Variants in RASSF3 observed in about 807,000 individuals in gnomAD.
RASSF3 encodes the protein Ras association domain family member 3, also known as ras association domain-containing protein 3.
RASSF3 carries 19 observed loss-of-function variants against 19.9 expected under a neutral mutation model. The ratio of observed to expected loss-of-function variants is 0.96; its 90% CI spans 0.67 to 1.40. The LOEUF is 1.40. Among genes scored for constraint, RASSF3 ranks in the 40% most tolerant of loss-of-function variants. The pLI, the probability that RASSF3 is intolerant of heterozygous loss-of-function variation, is 0.00. For synonymous variants in RASSF3, 110 were observed against 104.2 expected, an observed-to-expected ratio of 1.06 and a Z score of -0.34; for missense variants, 306 against 289.8, an observed-to-expected ratio of 1.06 and a Z score of -0.41.
chr12:64,604,642 T>A (rs1049178155), intron 2 of RASSF3, among the ~76,000 whole-genome samples: 3 of 151,964 alleles, frequency 2.0e-5, no homozygotes, highest in Non-Finnish European at 2.9e-5. Context: ...CAACTCTTTT[T>A]TTTTTTTTCT....
chr12:64,674,529 C>T (rs549198848), intron 1 of RASSF3, among the ~76,000 whole-genome samples: 27 of 152,222 alleles, frequency 1.8e-4, no homozygotes, highest in African/African-American at 4.8e-4. Flanking sequence ...TGCAGTGAGC[C>T]GATGTGGCCC....
chr12:64,691,885 C>T (rs368594570), intron 4 of RASSF3, among the ~76,000 whole-genome samples: 63 of 152,190 alleles, frequency 4.1e-4, no homozygotes, highest in African/African-American at 1.4e-3. Flanking sequence ...CATTTTCACC[C>T]CTTCCCACCT....
chr12:64,586,062 C>T (rs984876047), intron 2 of RASSF3, among the ~76,000 whole-genome samples: 6 of 152,152 alleles, frequency 3.9e-5, no homozygotes, highest in African/African-American at 1.2e-4. Flanking sequence ...CGGTGGCTCA[C>T]GCCTGTAATC....
chr12:64,661,170 A>G (rs1425771783), intron 1 of RASSF3, among the ~76,000 whole-genome samples: 1 of 152,180 alleles, frequency 6.6e-6, no homozygotes, highest in African/African-American at 2.4e-5. Context: ...TGTAAGTGGT[A>G]ATAACAATGC....
intron 3 of RASSF3, among the ~76,000 whole-genome samples, chr12:64,691,204 C>T (rs1237212890): frequency 6.6e-6 from 1 of 152,152 alleles, no homozygotes; most frequent in Non-Finnish European, 1.5e-5. Context: ...TAACTATAAG[C>T]ATATTTTGGG....
chr12:64,626,806 C>T (rs2136169566), intron 1 of RASSF3, among the ~76,000 whole-genome samples: 1 of 152,312 alleles, frequency 6.6e-6, no homozygotes, highest in South Asian at 2.1e-4. Flanking sequence ...CTCAAGTGAT[C>T]CTCCTGCCTT....
intron 1 of RASSF3, among the ~76,000 whole-genome samples, chr12:64,612,092 A>G (rs1870387598): frequency 6.6e-6 from 1 of 152,166 alleles, no homozygotes; most frequent in Admixed American, 6.5e-5. Context: ...TTCTGAGAGC[A>G]TGAGATTGCT....
chr12:64,529,063 G>C (rs1868651173), upstream of RASSF3, among the ~76,000 whole-genome samples: 1 of 152,120 alleles, frequency 6.6e-6, no homozygotes, highest in African/African-American at 2.4e-5. Flanking sequence ...TTTACTTCAT[G>C]GTGCACTTCC....
At chr12:64,559,712 T>C (rs1381173396) in intron 2 of RASSF3, among the ~76,000 whole-genome samples, 3 of 152,248 alleles carry the variant, frequency 2.0e-5, no homozygotes, top group African/African-American at 7.2e-5. Context: ...TCACTCATCC[T>C]CTGGGGTCCT....
chr12:64,646,233 G>C (rs1298027921), intron 1 of RASSF3, among the ~76,000 whole-genome samples: 1 of 152,170 alleles, frequency 6.6e-6, no homozygotes, highest in Non-Finnish European at 1.5e-5. Context: ...ATATACCTAA[G>C]AGTGGAATTA....
At chr12:64,576,375 A>C (rs980923315) in intron 2 of RASSF3, among the ~76,000 whole-genome samples, 1 of 152,234 alleles carries the variant, frequency 6.6e-6, no homozygotes, top group Non-Finnish European at 1.5e-5. Flanking sequence ...GTATACATAA[A>C]AAATCAACTC....
At chr12:64,623,032 G>T (rs925714571) in intron 1 of RASSF3, among the ~76,000 whole-genome samples, 2 of 151,788 alleles carry the variant, frequency 1.3e-5, no homozygotes, top group Non-Finnish European at 2.9e-5. Flanking sequence ...TGTTGGTCAG[G>T]CTGGTCTCGA....
intron 4 of RASSF3, among the ~76,000 whole-genome samples, chr12:64,691,868 A>G (rs1415492641): frequency 6.6e-6 from 1 of 152,186 alleles, no homozygotes; most frequent in African/African-American, 2.4e-5. Context: ...ATCTCCATCC[A>G]GAGAGTCATT....
intron 2 of RASSF3, among the ~76,000 whole-genome samples, chr12:64,563,766 T>C (rs1007853083): frequency 2.6e-5 from 4 of 152,186 alleles, no homozygotes; most frequent in African/African-American, 7.2e-5. Context: ...CAGGTCTCAG[T>C]TCAAATGTCA....
intron 1 of RASSF3, among the ~76,000 whole-genome samples, chr12:64,519,008 G>A (rs891019075): frequency 1.3e-5 from 2 of 152,152 alleles, no homozygotes; most frequent in Non-Finnish European, 2.9e-5. Context: ...TTTATTCTAT[G>A]ACTAGAGCTC....
At chr12:64,610,795 C>T (rs992309657) in intron 1 of RASSF3, 52 bp downstream of exon 1, 1 of 1,185,668 alleles carries the variant, frequency 8.4e-7, no homozygotes, top group African/African-American at 1.6e-5. Flanking sequence ...TTCCGGGGAA[C>T]CCGCCAGCCC....
intron 2 of RASSF3, among the ~76,000 whole-genome samples, chr12:64,554,979 C>T (rs1372267607): frequency 6.6e-6 from 1 of 152,144 alleles, no homozygotes; most frequent in Non-Finnish European, 1.5e-5. Flanking sequence ...TATGGTGGCT[C>T]ATGCCTGTAA....
intron 4 of RASSF3, among the ~76,000 whole-genome samples, chr12:64,692,616 C>T (rs1868301231): frequency 6.6e-6 from 1 of 152,124 alleles, no homozygotes; most frequent in African/African-American, 2.4e-5. Context: ...GTGACCATTC[C>T]CTCTGCCAGC....
chr12:64,543,005 C>T (rs1430619954), downstream of RASSF3, among the ~76,000 whole-genome samples: 1 of 143,522 alleles, frequency 7.0e-6, no homozygotes, highest in Middle Eastern at 3.2e-3. Context: ...TTGGCGGGGC[C>T]CCGCACTTGG....
Sources: allele counts gnomAD v4.1 joint callset (sites outside exome capture counted in the v4.1 genomes callset), GRCh38; gene constraint gnomAD v4.1.1; transcripts MANE v1.5; gene names NCBI Gene and HGNC (gene_info 2026-07-23, HGNC 2026-07-21).